The following MYH15 variants were observed in gnomAD, a reference collection of about 807,000 sequenced individuals.
MYH15 encodes the protein myosin-15.
In MYH15, 227 loss-of-function variants were observed where a neutral mutation model predicts 240.5. The observed-to-expected ratio is 0.94, with a 90% CI of 0.85 to 1.05. The LOEUF is 1.05. Among genes scored for constraint, MYH15 ranks in the 50% least tolerant of loss-of-function variants. The pLI, the probability that MYH15 is intolerant of heterozygous loss-of-function variation, is 0.00. For synonymous variants in MYH15, 785 were observed against 796.7 expected (o/e 0.99, Z 0.25); for missense variants, 2,217 against 2,247.5 (o/e 0.99, Z 0.27).
chr3:108,403,792 GTTC>G (rs1410350833), intron 33 of MYH15, among the ~76,000 whole-genome samples: 1 of 151,876 alleles, frequency 6.6e-6, no homozygotes, highest in Non-Finnish European at 1.5e-5. Flanking sequence ...TTATCCTTCA[GTTC>G]TTTCTTCTTC....
At position 108,444,866 on chromosome 3, in the gene MYH15, A is replaced by G. The variant is rs1286612242; in HGVS notation, c.2429T>C (p.Ile810Thr). 6.2e-7 allele frequency: 1 copy of G among 1,613,596 alleles called. No individual in the cohort carries two copies. The highest frequency in any genetic ancestry group is 1.7e-5 in the Admixed American group (1 of 59,876). ...RDALILIQWN[I>T]RAFMAVKNWP... ...GTTCTTCACAGCCATGAAAGCTCTT[A>G]TGTTCCATTGGATCAAAATAAGTGC... is the stretch of plus-strand genomic sequence containing the variant. Residue 810 changes from isoleucine (I) to threonine (T), a missense_variant, in exon 22 of 41, where the codon ATA (isoleucine) becomes ACA (threonine). Ile to Thr is a moderately conservative substitution (Grantham distance 89, BLOSUM62 -1). Transcript: ENST00000693548.
In MYH15 at chr3:108,456,793, C is replaced by T. The variant is rs912664365; in HGVS notation, c.2111G>A (p.Arg704Gln). ...TTGTTTAAAATCAGCATACTGCAGT[C>T]GGTTTGGAAAACCTTCACGGCATAT... ...TRICREGFPN[R>Q]LQYADFKQRY... The change falls in exon 19 of 41, where the codon CGA (arginine) becomes CAA (glutamine). Residue 704 changes from arginine to glutamine, a missense_variant. Arg to Gln is a conservative substitution (Grantham distance 43). Coordinates refer to ENST00000693548, the MANE Select transcript of MYH15 (RefSeq NM_014981.3). The T allele has an allele frequency of 6.2e-6, 10 of 1,612,998 alleles. No individual in the cohort carries two copies. Among genetic ancestry groups the T allele is most frequent in the South Asian group, 3.3e-5 (3 of 91,028 alleles).
chr3:108,537,964 T>C, the MYH15 span, among the ~76,000 whole-genome samples: 1 of 152,180 alleles, frequency 6.6e-6, no homozygotes, highest in Non-Finnish European at 1.5e-5. Flanking sequence ...TTCTGTCCCT[T>C]TCCCCTTGGC....
At chr3:108,399,302 A>G in intron 33 of MYH15, 35 bp from the exon 34 acceptor site, 1 of 1,527,800 alleles carries the variant, frequency 6.5e-7, no homozygotes, top group African/African-American at 1.4e-5. Flanking sequence ...GGGGGAAATG[A>G]CACATCCAAA....
Position 108,435,837 on chromosome 3 carries a change from T to TACACACAC in MYH15, c.3221+1709_3221+1716dup, listed in dbSNP as rs34885657. Reference sequence around the variant, plus strand: ...GTATATATACATATATGTATATGTATACACACACACACACACACACACACA... The same window carrying TACACACAC: ...GTATATATACATATATGTATATGTATACACACACACACACACACACACACACACACACA... On this transcript the variant is annotated intron_variant, in intron 25 of 40. Coordinates refer to ENST00000693548, the MANE Select transcript of MYH15 (RefSeq NM_014981.3). Among the ~76,000 whole-genome samples, 277 of 147,350 alleles carry TACACACAC rather than the reference T, an allele frequency of 1.9e-3. 1 individual carries two copies. Among genetic ancestry groups the TACACACAC allele is most frequent in the African/African-American group, 6.3e-3 (251 of 40,152 alleles).
intron 38 of MYH15, among the ~76,000 whole-genome samples, chr3:108,385,770 C>T (rs1261366426): frequency 6.6e-6 from 1 of 150,682 alleles, no homozygotes; most frequent in Admixed American, 6.6e-5. Flanking sequence ...TAATGTTCCC[C>T]CTACTTACCT....
intron 26 of MYH15, among the ~76,000 whole-genome samples, chr3:108,430,509 T>C (rs936640478): frequency 6.6e-6 from 1 of 152,224 alleles, no homozygotes; most frequent in East Asian, 1.9e-4. Context: ...CTTAAATATA[T>C]TGTTGCATTT....
upstream of MYH15, among the ~76,000 whole-genome samples, chr3:108,534,271 T>A (rs959489351): frequency 6.6e-6 from 1 of 152,202 alleles, no homozygotes; most frequent in African/African-American, 2.4e-5. Flanking sequence ...AAACCCAATG[T>A]CAGCCATATT....
At chr3:108,490,543 T>C (rs1026450036) in intron 9 of MYH15, among the ~76,000 whole-genome samples, 4 of 152,250 alleles carry the variant, frequency 2.6e-5, no homozygotes, top group African/African-American at 9.6e-5. Flanking sequence ...CACTGCATGG[T>C]CTGGCCCCTG....
At chr3:108,448,103 C>T (rs2082943426) in intron 21 of MYH15, among the ~76,000 whole-genome samples, 1 of 151,628 alleles carries the variant, frequency 6.6e-6, no homozygotes, top group South Asian at 2.1e-4. Context: ...TCATAGTAAC[C>T]ACAAAGAAAA....
At chr3:108,502,303 C>G (rs1231111843) in intron 2 of MYH15, among the ~76,000 whole-genome samples, 6 of 152,162 alleles carry the variant, frequency 3.9e-5, no homozygotes, top group African/African-American at 1.4e-4. Context: ...CTCCCTCAAA[C>G]CTTCCCAACT....
In MYH15 at chr3:108,464,758, G is replaced by T. The variant is rs1464575940; in HGVS notation, c.1611C>A (p.Asp537Glu). 6.2e-7 allele frequency: 1 copy of T among 1,613,748 alleles called. No homozygotes were observed. Among genetic ancestry groups the T allele is most frequent in the Non-Finnish European group, 8.5e-7 (1 of 1,179,848 alleles). The change falls in exon 15 of 41, where the codon GAC becomes GAA. Residue 537 changes from aspartate to glutamate, a missense_variant. By Grantham distance (45) the Asp-to-Glu change is conservative (BLOSUM62 2). Coordinates refer to ENST00000693548, the MANE Select transcript of MYH15 (RefSeq NM_014981.3). ...EEECMFPKAT[D>E]LTFKTKLFDN... is the part of the protein sequence containing the mutation. ...CAAAGAGTTTGGTCTTGAAAGTCAGGTCTGTAGCCTTAGGAAACATACACT... is the reference window on the plus strand; with the variant it reads ...CAAAGAGTTTGGTCTTGAAAGTCAGTTCTGTAGCCTTAGGAAACATACACT...
rs767302033 is a variant in MYH15 at position 108,389,034 on chromosome 3, C to T, written c.5471G>A (p.Arg1824His). 10 of 1,613,802 alleles carry T rather than the reference C, an allele frequency of 6.2e-6. No homozygotes were observed. The highest frequency in any genetic ancestry group is 2.2e-5 in the South Asian group (2 of 91,048). The change falls in exon 38 of 41, where the codon CGC (arginine) becomes CAC (histidine). Residue 1824 changes from arginine (R) to histidine (H), a missense_variant. By Grantham distance (29) the Arg-to-His change is conservative. Coordinates refer to ENST00000693548, the MANE Select transcript of MYH15 (RefSeq NM_014981.3). ...GGCTCCCCTCTGGGCCTCTGCACTG[C>T]GACGGATTTCACCCTCCAGTTCACC... ...LEGELEGEIR[R>H]SAEAQRGARR... is the part of the protein sequence containing the mutation.
At chr3:108,424,068 G>A (rs2082707470) in intron 27 of MYH15, among the ~76,000 whole-genome samples, 1 of 152,142 alleles carries the variant, frequency 6.6e-6, no homozygotes, top group Non-Finnish European at 1.5e-5. Flanking sequence ...AATATGCTGT[G>A]CTATGCACCT....
In MYH15 at chr3:108,466,656, A is replaced by G. The variant is rs947144192; in HGVS notation, c.1555-1842T>C. The stretch of plus-strand genomic sequence containing the variant: ...CTCTATCAGCCCATGAAATTATTCA[A>G]ACAAGCCTGTTGCATCCTTCTGTAG... On this transcript the variant is annotated intron_variant, in intron 14 of 40. Transcript: ENST00000693548. Among the ~76,000 whole-genome samples the G allele has an allele frequency of 3.9e-5, 6 of 152,308 alleles. No individual in the cohort carries two copies. In the East Asian group the frequency reaches 9.6e-4, roughly 24 times the overall value.
At chr3:108,426,066 A>G (rs997554516) in intron 27 of MYH15, among the ~76,000 whole-genome samples, 6 of 152,198 alleles carry the variant, frequency 3.9e-5, no homozygotes, top group African/African-American at 1.4e-4. Flanking sequence ...TCAGGGCTCC[A>G]TGGCTTCTCT....
chr3:108,545,313 C>T, the MYH15 span, among the ~76,000 whole-genome samples: 1 of 152,070 alleles, frequency 6.6e-6, no homozygotes, highest in Non-Finnish European at 1.5e-5. Context: ...AGAATCTTTA[C>T]CGTTCATTTT....
At chr3:108,424,321 A>G (rs1448866946) in intron 27 of MYH15, among the ~76,000 whole-genome samples, 2 of 152,246 alleles carry the variant, frequency 1.3e-5, no homozygotes, top group African/African-American at 2.4e-5. Flanking sequence ...AACCACTGGT[A>G]TAGTGTTTCC....
At chr3:108,459,032 AT>A (rs60266401) in intron 18 of MYH15, among the ~76,000 whole-genome samples, 22,307 of 152,120 alleles carry the variant, frequency 0.15, 1,840 homozygotes, top group South Asian at 0.25. Flanking sequence ...TGATTATTCA[AT>A]TCCATTTTTA....
Sources: allele counts gnomAD v4.1 joint callset (sites outside exome capture counted in the v4.1 genomes callset), GRCh38; gene constraint gnomAD v4.1.1; transcripts MANE v1.5; gene names NCBI Gene and HGNC (gene_info 2026-07-23, HGNC 2026-07-21).